Variants in CAMKMT observed in about 807,000 individuals in gnomAD.
CAMKMT encodes the protein calmodulin-lysine N-methyltransferase.
A neutral mutation model predicts 48.0 loss-of-function variants in CAMKMT; 53 were observed. The observed-to-expected ratio is 1.10, with a 90% CI of 0.89 to 1.39. The LOEUF is 1.39. Among genes scored for constraint, CAMKMT ranks in the 40% most tolerant of loss-of-function variants. The pLI is 0.00. For missense variants in CAMKMT, 428 were observed against 402.7 expected, an observed-to-expected ratio of 1.06 and a Z score of -0.54; for synonymous variants, 165 against 152.3, an observed-to-expected ratio of 1.08 and a Z score of -0.61.
intron 3 of CAMKMT, among the ~76,000 whole-genome samples, chr2:44,660,139 G>A (rs1674602400): frequency 6.6e-6 from 1 of 152,072 alleles, no homozygotes; most frequent in Non-Finnish European, 1.5e-5. Flanking sequence ...CAACAATAAT[G>A]GGTAAAACAT....
At chr2:44,668,713 CCCTTA>C (rs1675151767) in intron 3 of CAMKMT, among the ~76,000 whole-genome samples, 1 of 152,116 alleles carries the variant, frequency 6.6e-6, no homozygotes, top group African/African-American at 2.4e-5. Context: ...CAATAGTGTG[CCCTTA>C]CCTCCACTGC....
chr2:44,634,079 G>A (rs778444197), intron 3 of CAMKMT, among the ~76,000 whole-genome samples: 19 of 152,088 alleles, frequency 1.2e-4, no homozygotes, highest in Non-Finnish European at 2.5e-4. Context: ...ATGGCTAGAA[G>A]TAACTGGAAC....
At chr2:44,603,233 A>G (rs1671100652) in intron 3 of CAMKMT, among the ~76,000 whole-genome samples, 1 of 151,648 alleles carries the variant, frequency 6.6e-6, no homozygotes, top group African/African-American at 2.4e-5. Flanking sequence ...GGATTACGAC[A>G]TGTGCCACCA....
At chr2:44,497,553 C>G (rs1351561887) in intron 3 of CAMKMT, among the ~76,000 whole-genome samples, 2 of 151,972 alleles carry the variant, frequency 1.3e-5, no homozygotes, top group Admixed American at 6.6e-5. Flanking sequence ...AAAGATACAC[C>G]TGAAAGTTAC....
chr2:44,456,606 T>C, intron 3 of CAMKMT: 1 of 1,549,270 alleles, frequency 6.5e-7, no homozygotes, highest in Non-Finnish European at 8.7e-7. Context: ...TCACCATCAG[T>C]AGTAACTCTT....
chr2:44,748,700 A>G (rs921958136), intron 8 of CAMKMT, among the ~76,000 whole-genome samples: 1 of 151,864 alleles, frequency 6.6e-6, no homozygotes, highest in African/African-American at 2.4e-5. Flanking sequence ...GTGAAACCCC[A>G]TCTCTACTAA....
At chr2:44,592,621 T>C (rs1228351482) in intron 3 of CAMKMT, among the ~76,000 whole-genome samples, 1 of 152,204 alleles carries the variant, frequency 6.6e-6, no homozygotes, top group Non-Finnish European at 1.5e-5. Flanking sequence ...TAATCTCTTA[T>C]ACTATGCCTA....
intron 3 of CAMKMT, among the ~76,000 whole-genome samples, chr2:44,668,995 CTGGTCT>C (rs1426846166): frequency 1.3e-5 from 2 of 152,082 alleles, no homozygotes; most frequent in Non-Finnish European, 2.9e-5. Flanking sequence ...GTTGGCCAGG[CTGGTCT>C]TGAACTCCAG....
At chr2:44,382,648 T>C (rs951833741) in intron 2 of CAMKMT, among the ~76,000 whole-genome samples, 1 of 151,848 alleles carries the variant, frequency 6.6e-6, no homozygotes, top group African/African-American at 2.4e-5. Context: ...CCAGCTAATC[T>C]TTTTGTATTT....
intron 2 of CAMKMT, among the ~76,000 whole-genome samples, chr2:44,383,360 T>G (rs1680454100): frequency 2.0e-5 from 3 of 152,078 alleles, no homozygotes; most frequent in Admixed American, 6.5e-5. Context: ...AGATGAGGTT[T>G]CACCATACTG....
intron 3 of CAMKMT, among the ~76,000 whole-genome samples, chr2:44,701,966 T>C (rs1279524665): frequency 1.3e-5 from 2 of 152,048 alleles, no homozygotes; most frequent in Non-Finnish European, 2.9e-5. Context: ...ACATTTTACG[T>C]GATTTTTTTT....
intron 7 of CAMKMT, among the ~76,000 whole-genome samples, chr2:44,721,857 G>A (rs951394141): frequency 2.0e-5 from 3 of 151,842 alleles, no homozygotes; most frequent in Non-Finnish European, 4.4e-5. Context: ...AGAGGGGAGG[G>A]GAGGGGAGGG....
rs2104303384 is a variant in CAMKMT, at chr2:44,715,468, G to GCA, written c.623+117_623+118dup. The GCA allele has an allele frequency of 1.5e-5, 11 of 736,202 alleles. No individual in the cohort carries two copies. The South Asian group carries it at 1.9e-4, about 13-fold the overall frequency. The allele number at this position is 736,202 out of a possible 1,614,324, so 45.6% of individuals were successfully genotyped here. ...TTATTGAGCACCTGCTGTGTGTCAG[G>GCA]CACTGTTTTAAGCACTTTACAAGTA... On this transcript the variant is annotated intron_variant, in intron 7 of 10. Coordinates refer to ENST00000378494, the MANE Select transcript of CAMKMT (RefSeq NM_024766.5).
Position 44,766,531 on chromosome 2 carries a change from T to C in CAMKMT, c.864T>C (p.Tyr288=), listed in dbSNP as rs149381178. Residue 288 remains tyrosine (Y), a synonymous_variant, in exon 10 of 11, where the codon TAT becomes TAC. Transcript: ENST00000378494. Reference sequence around the variant, plus strand: ...TCTGTATCCAAAGACATGAAAATTATGATGAACACATTTCAAACTTCCACT... The same window carrying C: ...TCTGTATCCAAAGACATGAAAATTACGATGAACACATTTCAAACTTCCACT... ...AGFCIQRHEN[Y]DEHISNFHSK... 4.5e-4 allele frequency: 729 copies of C among 1,614,140 alleles called. No individual in the cohort carries two copies. The highest frequency in any genetic ancestry group is 1.0e-3 in the Admixed American group (63 of 60,028).
At chr2:44,549,903 T>C (rs1230641677) in intron 3 of CAMKMT, 1 of 304,470 alleles carries the variant, frequency 3.3e-6, no homozygotes, top group South Asian at 1.5e-4. Context: ...TATCCATCCT[T>C]CCGTCATTCA....
At chr2:44,766,674 T>G (rs1680855170) in intron 10 of CAMKMT, 113 bp downstream of exon 10, 1 of 1,143,920 alleles carries the variant, frequency 8.7e-7, no homozygotes, top group African/African-American at 1.6e-5. Flanking sequence ...CTTAGATGTG[T>G]TGCTTCTGAA....
At chr2:44,511,619 T>C (rs1670560121) in intron 3 of CAMKMT, among the ~76,000 whole-genome samples, 1 of 152,186 alleles carries the variant, frequency 6.6e-6, no homozygotes, top group African/African-American at 2.4e-5. Context: ...CTGACTAGTA[T>C]TTCACGTCCT....
intron 3 of CAMKMT, among the ~76,000 whole-genome samples, chr2:44,510,449 A>G (rs543061317): frequency 1.5e-4 from 23 of 152,294 alleles, no homozygotes; most frequent in African/African-American, 5.3e-4. Flanking sequence ...ACATGACTCA[A>G]TTACTGGTAA....
At chr2:44,539,367 T>A (rs1206019985) in intron 3 of CAMKMT, among the ~76,000 whole-genome samples, 1 of 152,104 alleles carries the variant, frequency 6.6e-6, no homozygotes, top group Non-Finnish European at 1.5e-5. Context: ...ATATTGTTTT[T>A]CTGAACCATT....
Sources: gnomAD v4.1 joint callset for allele counts (sites outside exome capture counted in the v4.1 genomes callset) on GRCh38, gnomAD v4.1.1 for gene constraint, MANE v1.5 for transcripts, NCBI Gene and HGNC (gene_info 2026-07-23, HGNC 2026-07-21) for gene names.